The following NELL1 variants were observed in gnomAD, a reference collection of about 807,000 sequenced individuals.
The protein encoded by NELL1 is neural EGFL like 1.
NELL1 carries 76 observed loss-of-function variants against 107.4 expected under a neutral mutation model. That is an observed-to-expected ratio of 0.71 (90% confidence interval 0.59 to 0.86). The LOEUF is 0.86. Among genes scored for constraint, NELL1 ranks in the 40% least tolerant of loss-of-function variants. The probability of loss-of-function intolerance (pLI) is 0.00; values close to 1 mark genes in which losing one functional copy is unlikely to be tolerated. For missense variants in NELL1, 1,024 were observed against 1,005.5 expected (o/e 1.02, Z -0.25); for synonymous variants, 353 against 341.2 (o/e 1.03, Z -0.38).
At position 21,060,709 on chromosome 11, in the gene NELL1, G is replaced by C. The variant is rs1038268548; in HGVS notation, c.1301-52880G>C. Among the ~76,000 whole-genome samples, 4 of 152,032 alleles carry C rather than the reference G, an allele frequency of 2.6e-5. No individual in the cohort carries two copies. The East Asian group carries it at 5.8e-4, about 22-fold the overall frequency. On this transcript the variant is annotated intron_variant, in intron 12 of 19. Coordinates refer to ENST00000357134, the MANE Select transcript of NELL1 (RefSeq NM_006157.5). ...CACCTTTGTTTTTGTTTTTGATTTC[G>C]TTTTTGTTTTGAGACAGAGTCTCAC... is the stretch of plus-strand genomic sequence containing the variant.
intron 16 of NELL1, among the ~76,000 whole-genome samples, chr11:21,557,045 C>A (rs1265400557): frequency 6.6e-6 from 1 of 151,912 alleles, no homozygotes; most frequent in Non-Finnish European, 1.5e-5. Context: ...TTCCCGTTGG[C>A]TGCCTTGGGA....
intron 13 of NELL1, among the ~76,000 whole-genome samples, chr11:21,155,064 G>A (rs1409413714): frequency 9.2e-5 from 14 of 152,166 alleles, no homozygotes; most frequent in Admixed American, 9.2e-4. Context: ...AGTGAAGAAA[G>A]AGAGGGTAGA....
chr11:20,963,942 G>A (rs1851339942), intron 12 of NELL1, among the ~76,000 whole-genome samples: 1 of 152,254 alleles, frequency 6.6e-6, no homozygotes, highest in East Asian at 1.9e-4. Context: ...AAGCAGAGAG[G>A]TGGCATATTG....
At chr11:20,993,919 G>A (rs990553237) in intron 12 of NELL1, among the ~76,000 whole-genome samples, 5 of 148,480 alleles carry the variant, frequency 3.4e-5, no homozygotes, top group Non-Finnish European at 5.9e-5. Flanking sequence ...AAATCAGTAC[G>A]AATCAGGCAT....
intron 14 of NELL1, among the ~76,000 whole-genome samples, chr11:21,309,853 G>A (rs964190542): frequency 7.2e-5 from 11 of 152,058 alleles, no homozygotes; most frequent in African/African-American, 2.7e-4. Context: ...CATTAATTCA[G>A]TCACCTCCCC....
chr11:21,336,674 T>TATACAC lies in NELL1; in HGVS notation c.1550-34178_1550-34177insTACACA, dbSNP rs55720144. Among the ~76,000 whole-genome samples the TATACAC allele has an allele frequency of 6.9e-5, 9 of 130,536 alleles. No individual in the cohort carries two copies. In the South Asian group the frequency reaches 1.8e-3, roughly 25 times the overall value. The allele number at this position is 130,536 out of a possible 152,430, so 85.6% of individuals were successfully genotyped here. ...GTGTATATATATATATATATATATA[T>TATACAC]ACACACACACACACACATTAAACAG... is the stretch of plus-strand genomic sequence containing the variant. On this transcript the variant is annotated intron_variant, in intron 14 of 19. Transcript: ENST00000357134.
intron 13 of NELL1, among the ~76,000 whole-genome samples, chr11:21,171,516 G>A (rs896262040): frequency 6.6e-6 from 1 of 151,628 alleles, no homozygotes; most frequent in South Asian, 2.1e-4. Flanking sequence ...TATGTTATTA[G>A]CATTTTAATA....
chr11:21,150,013 G>C (rs1014490061), intron 13 of NELL1, among the ~76,000 whole-genome samples: 2 of 152,038 alleles, frequency 1.3e-5, no homozygotes, highest in Non-Finnish European at 2.9e-5. Flanking sequence ...TTGATATCTG[G>C]AGAACTGGAA....
chr11:21,152,511 G>T (rs1420163996), intron 13 of NELL1, among the ~76,000 whole-genome samples: 1 of 152,160 alleles, frequency 6.6e-6, no homozygotes, highest in African/African-American at 2.4e-5. Context: ...AAAAGGTTTT[G>T]CGGGTATTGG....
intron 13 of NELL1, among the ~76,000 whole-genome samples, chr11:21,153,921 TG>T (rs974679947): frequency 1.1e-4 from 17 of 152,266 alleles, no homozygotes; most frequent in Admixed American, 3.3e-4. Context: ...TCCCAACCCC[TG>T]GAGACAGCCA....
intron 12 of NELL1, among the ~76,000 whole-genome samples, chr11:21,084,677 AG>A (rs1854347774): frequency 6.6e-6 from 1 of 152,196 alleles, no homozygotes; most frequent in Non-Finnish European, 1.5e-5. Context: ...GTGGTTTATC[AG>A]TAGTGGAATT....
At chr11:20,821,938 A>C (rs1016020823) in intron 3 of NELL1, among the ~76,000 whole-genome samples, 4 of 152,198 alleles carry the variant, frequency 2.6e-5, no homozygotes, top group Admixed American at 2.0e-4. Context: ...GCCTCTCTCT[A>C]GTTCCCACTG....
At chr11:21,296,654 G>A (rs550181607) in intron 14 of NELL1, among the ~76,000 whole-genome samples, 6 of 151,952 alleles carry the variant, frequency 3.9e-5, no homozygotes, top group Admixed American at 1.3e-4. Flanking sequence ...AGTTGGATTC[G>A]TGTGACTTTG....
intron 16 of NELL1, among the ~76,000 whole-genome samples, chr11:21,555,725 T>G (rs1856688381): frequency 6.6e-6 from 1 of 151,920 alleles, no homozygotes; most frequent in African/African-American, 2.4e-5. Context: ...CTCAAATAGA[T>G]GAAGCTATCT....
rs1854305976 is a variant in NELL1, at chr11:21,475,474, TG to T, written c.1646-58898del. ...CCCCTGTAGGCATCATTGTCAGGAC[TG>T]GCCATGTGACTTGCTCTGGCCAATC... On this transcript the variant is annotated intron_variant, in intron 15 of 19. Transcript: ENST00000357134. 2.6e-5 allele frequency among the ~76,000 whole-genome samples: 4 copies of T among 152,310 alleles called. No homozygotes were observed. In the South Asian group the frequency reaches 8.3e-4, roughly 32 times the overall value.
intron 2 of NELL1, among the ~76,000 whole-genome samples, chr11:20,687,372 A>G (rs1007521702): frequency 6.6e-6 from 1 of 151,992 alleles, no homozygotes; most frequent in Non-Finnish European, 1.5e-5. Flanking sequence ...TCAGTATGTC[A>G]TATGTCATGT....
chr11:20,921,499 G>T (rs925407977), intron 7 of NELL1, among the ~76,000 whole-genome samples: 1 of 152,044 alleles, frequency 6.6e-6, no homozygotes, highest in Non-Finnish European at 1.5e-5. Context: ...TTGAATCATG[G>T]CTGAGAAAGT....
intron 12 of NELL1, among the ~76,000 whole-genome samples, chr11:21,065,449 A>T (rs1038297027): frequency 2.6e-5 from 4 of 152,148 alleles, no homozygotes; most frequent in African/African-American, 9.7e-5. Flanking sequence ...TCATTGTGGA[A>T]CTATTTTCCA....
intron 2 of NELL1, among the ~76,000 whole-genome samples, chr11:20,758,814 A>T (rs1277791305): frequency 6.6e-6 from 1 of 152,198 alleles, no homozygotes; most frequent in African/African-American, 2.4e-5. Context: ...ACATTGCCAG[A>T]TGTCCCCTGG....
Sources: allele counts gnomAD v4.1 joint callset (sites outside exome capture counted in the v4.1 genomes callset), GRCh38; gene constraint gnomAD v4.1.1; transcripts MANE v1.5; gene names NCBI Gene and HGNC (gene_info 2026-07-23, HGNC 2026-07-21).